Variants in ARHGEF28 observed in about 807,000 individuals in gnomAD.
The protein encoded by ARHGEF28 is 190 kDa guanine nucleotide exchange factor.
In ARHGEF28, 152 loss-of-function variants were observed where a neutral mutation model predicts 206.6. That is an observed-to-expected ratio of 0.74 (90% CI 0.64 to 0.84). ARHGEF28 has a LOEUF of 0.84. Ranked by LOEUF, ARHGEF28 falls within the 40% of genes least tolerant of loss-of-function variation. The pLI, the probability that ARHGEF28 is intolerant of heterozygous loss-of-function variation, is 0.00. For synonymous variants in ARHGEF28, 763 were observed against 776.4 expected, an observed-to-expected ratio of 0.98 and a Z score of 0.29; for missense variants, 2,028 against 2,073.2, an observed-to-expected ratio of 0.98 and a Z score of 0.42.
chr5:73,645,368 A>G (rs1424023534), intron 1 of ARHGEF28, among the ~76,000 whole-genome samples: 3 of 152,128 alleles, frequency 2.0e-5, no homozygotes, highest in South Asian at 2.1e-4. Context: ...AGGGTTTCCA[A>G]TCACTGGCAT....
At chr5:73,796,319 C>G (rs1394029871) in intron 9 of ARHGEF28, among the ~76,000 whole-genome samples, 1 of 152,180 alleles carries the variant, frequency 6.6e-6, no homozygotes, top group Non-Finnish European at 1.5e-5. Context: ...CACACATGGG[C>G]AGGACAGTCT....
chr5:73,846,164 C>T (rs72772523), intron 11 of ARHGEF28, 104 bp from the exon 12 acceptor site: 24,753 of 841,020 alleles, frequency 0.029, 415 homozygotes, highest in Middle Eastern at 0.08. Context: ...ACCTATTGCA[C>T]CCCCCCCGCC....
At chr5:73,880,138 C>A (rs1343133785) in intron 22 of ARHGEF28, among the ~76,000 whole-genome samples, 7 of 152,182 alleles carry the variant, frequency 4.6e-5, no homozygotes, top group African/African-American at 1.7e-4. Context: ...ATGGCGGGCG[C>A]CCCTCCCCCA....
intron 35 of ARHGEF28, among the ~76,000 whole-genome samples, chr5:73,920,457 C>A (rs2111969104): frequency 6.7e-6 from 1 of 149,174 alleles, no homozygotes; most frequent in East Asian, 2.0e-4. Flanking sequence ...ACTTTAAGTT[C>A]TTGGATACGT....
intron 2 of ARHGEF28, among the ~76,000 whole-genome samples, chr5:73,731,786 A>T (rs1750637770): frequency 6.6e-6 from 1 of 152,202 alleles, no homozygotes; most frequent in Non-Finnish European, 1.5e-5. Context: ...TAGAAATGGC[A>T]TTTAAAATGA....
intron 35 of ARHGEF28, 28 bp from the exon 36 acceptor site, chr5:73,940,816 T>A: frequency 6.9e-7 from 1 of 1,440,088 alleles, no homozygotes. Flanking sequence ...GGTGGCCTCC[T>A]GTAACCTGTG....
At chr5:73,785,035 T>C (rs1754077596) in intron 7 of ARHGEF28, among the ~76,000 whole-genome samples, 2 of 152,160 alleles carry the variant, frequency 1.3e-5, no homozygotes, top group African/African-American at 4.8e-5. Context: ...TGAGATATCA[T>C]GAGATTTCAT....
At position 73,883,771 on chromosome 5, in the gene ARHGEF28, G is replaced by A. The variant is rs904015530; in HGVS notation, c.2942G>A (p.Arg981Gln). 2.3e-5 allele frequency: 35 copies of A among 1,542,724 alleles called. No individual in the cohort carries two copies. Among genetic ancestry groups the A allele is most frequent in the African/African-American group, 9.7e-5 (7 of 72,484 alleles). The part of the protein sequence containing the change: ...NKKFQNFIKL[R>Q]NSNLLARRRG... ...TAAAAGTATATATTTTTTAAGCTCC[G>A]AAATAGTAATCTTTTGGCTCGACGC... The change falls in exon 24 of 36, where the codon CGA (arginine) becomes CAA (glutamine). Residue 981 changes from arginine (R) to glutamine (Q), a missense_variant. This residue lies in a region of ARHGEF28 where 223 missense variants were observed against 289.9 expected (regional missense o/e 0.77). Coordinates refer to ENST00000513042, the MANE Select transcript of ARHGEF28 (RefSeq NM_001177693.2).
At chr5:73,889,161 A>G (rs190172918) in intron 26 of ARHGEF28, among the ~76,000 whole-genome samples, 1 of 152,316 alleles carries the variant, frequency 6.6e-6, no homozygotes, top group East Asian at 1.9e-4. Flanking sequence ...TGGATTTCCT[A>G]GCTCCCATCC....
At chr5:73,664,886 C>T (rs1745850092) in intron 1 of ARHGEF28, among the ~76,000 whole-genome samples, 1 of 152,062 alleles carries the variant, frequency 6.6e-6, no homozygotes, top group Non-Finnish European at 1.5e-5. Flanking sequence ...TTTTCTTCTT[C>T]TCATATGCTT....
At chr5:73,795,143 G>C (rs1221557829) in intron 8 of ARHGEF28, among the ~76,000 whole-genome samples, 188 bp from the exon 9 acceptor site, 5 of 152,126 alleles carry the variant, frequency 3.3e-5, no homozygotes, top group African/African-American at 1.2e-4. Flanking sequence ...GCTTGGGATA[G>C]ATTCATTACT....
chr5:73,817,061 G>T (rs554870895), intron 9 of ARHGEF28, among the ~76,000 whole-genome samples: 1 of 152,146 alleles, frequency 6.6e-6, no homozygotes, highest in Non-Finnish European at 1.5e-5. Flanking sequence ...TTTACCCAAG[G>T]TTCTCATAAT....
At chr5:73,754,494 C>T (rs1752197083) in intron 4 of ARHGEF28, among the ~76,000 whole-genome samples, 1 of 151,998 alleles carries the variant, frequency 6.6e-6, no homozygotes, top group African/African-American at 2.4e-5. Context: ...TGCTATTATC[C>T]CCAAGGATTC....
intron 2 of ARHGEF28, among the ~76,000 whole-genome samples, chr5:73,746,004 G>A (rs1580559645): frequency 3.3e-5 from 5 of 152,140 alleles, no homozygotes; most frequent in South Asian, 2.1e-4. Context: ...TTAAATCAGC[G>A]AGGAACTGTT....
intron 25 of ARHGEF28, among the ~76,000 whole-genome samples, chr5:73,887,082 C>T (rs991256931): frequency 2.0e-5 from 3 of 152,148 alleles, no homozygotes; most frequent in East Asian, 1.9e-4. Flanking sequence ...TTCTATTGCT[C>T]GAAGTCATTT....
intron 1 of ARHGEF28, among the ~76,000 whole-genome samples, chr5:73,644,361 T>C (rs916659170): frequency 1.3e-5 from 2 of 152,244 alleles, no homozygotes; most frequent in Non-Finnish European, 2.9e-5. Flanking sequence ...TCTGGGTTAT[T>C]GTGATGATTT....
intron 30 of ARHGEF28, 29 bp downstream of exon 30, chr5:73,898,122 A>G: frequency 6.2e-7 from 1 of 1,606,464 alleles, no homozygotes; most frequent in East Asian, 2.2e-5. Context: ...CTTGGCAATG[A>G]GCCTGAGCAC....
intron 18 of ARHGEF28, among the ~76,000 whole-genome samples, chr5:73,867,054 A>G (rs114218806): frequency 0.017 from 2,559 of 152,314 alleles, 81 homozygotes; most frequent in African/African-American, 0.055. Flanking sequence ...GATGTCAGTT[A>G]TAAGGGGCTT....
intron 2 of ARHGEF28, among the ~76,000 whole-genome samples, chr5:73,708,631 T>G (rs1383280568): frequency 6.6e-6 from 1 of 152,220 alleles, no homozygotes; most frequent in Admixed American, 6.5e-5. Context: ...TGGGTTGATT[T>G]CATTTCTTTG....
Sources: gnomAD v4.1 joint callset for allele counts (sites outside exome capture counted in the v4.1 genomes callset) on GRCh38, gnomAD v4.1.1 for gene constraint, gnomAD v4.1.1 regional missense constraint, MANE v1.5 for transcripts, NCBI Gene and HGNC (gene_info 2026-07-23, HGNC 2026-07-21) for gene names.